Variants in MYOM3 observed in about 807,000 individuals in gnomAD.
The protein encoded by MYOM3 is myomesin 3.
In MYOM3, 155 loss-of-function variants were observed where a neutral mutation model predicts 191.7. The ratio of observed to expected loss-of-function variants is 0.81; its 90% CI spans 0.71 to 0.92. The LOEUF (loss-of-function observed/expected upper bound fraction) is 0.92, where lower values mean the gene tolerates loss of function less well. Ranked by LOEUF, MYOM3 falls within the 40% of genes least tolerant of loss-of-function variation. The probability of loss-of-function intolerance (pLI) is 0.00; values close to 1 mark genes in which losing one functional copy is unlikely to be tolerated. For synonymous variants in MYOM3, 757 were observed against 762.9 expected, an observed-to-expected ratio of 0.99 and a Z score of 0.13; for missense variants, 1,889 against 1,890.6, an observed-to-expected ratio of 1.00 and a Z score of 0.02.
Position 24,063,654 on chromosome 1 carries a change from C to A in MYOM3, c.3623-124G>T. 1 of 1,080,602 alleles carries A rather than the reference C, an allele frequency of 9.3e-7. No homozygotes were observed. The highest frequency in any genetic ancestry group is 1.4e-6 in the Non-Finnish European group (1 of 718,520). 66.9% of individuals were successfully genotyped at this position (1,080,602 alleles called of 1,614,324 possible). A position where few individuals can be genotyped will look rare whatever the true frequency, so the allele number is the denominator to read the frequency against. ...GCTGCTCTCAGGGGGACAGGCAACT[C>A]TGTAGGATGACTCTCATAGCTTGGG... On this transcript the variant is annotated intron_variant, in intron 30 of 36. Transcript: ENST00000374434. This position sits in a 1 kb window ranked among gnomAD's most constrained non-coding sequence, Gnocchi z 4.5.
chr1:24,060,968 G>T, intron 35 of MYOM3, 92 bp downstream of exon 35: 1 of 1,441,530 alleles, frequency 6.9e-7, no homozygotes, highest in Non-Finnish European at 9.7e-7. Context: ...ACTGTGGAAT[G>T]AGGCCTTCAG....
chr1:24,110,990 C>T (rs1055899556), intron 1 of MYOM3, among the ~76,000 whole-genome samples: 2 of 152,258 alleles, frequency 1.3e-5, no homozygotes, highest in African/African-American at 2.4e-5. Flanking sequence ...CCGATTAGCA[C>T]AGCAGGCAGG....
At chr1:24,101,879 G>C (rs558924964) in intron 5 of MYOM3, among the ~76,000 whole-genome samples, 2 of 152,194 alleles carry the variant, frequency 1.3e-5, no homozygotes, top group South Asian at 4.1e-4. Flanking sequence ...GTGTGAACAG[G>C]ACAGTGGGGT....
At chr1:24,071,077 C>G (rs1249066053) in intron 25 of MYOM3, 40 bp downstream of exon 25, 1 of 1,602,198 alleles carries the variant, frequency 6.2e-7, no homozygotes, top group East Asian at 2.2e-5. Context: ...ACCTCCCCGG[C>G]AGGGGAGCCT....
Position 24,105,923 on chromosome 1 carries a change from G to A in MYOM3, c.557C>T (p.Thr186Ile), listed in dbSNP as rs761492016. ...CCTTCCTGCCCCAGCGGCTTACCAG[G>A]TGACCTGGGGTGGTGGTGAGGCCTG... ...TVQASPPPQV[T>I]WYKNDTRIDP... The change falls in exon 5 of 37, where the codon ACC becomes ATC. Residue 186 changes from threonine to isoleucine, a missense_variant. Transcript: ENST00000374434. 3 of 1,600,538 alleles carry A rather than the reference G, an allele frequency of 1.9e-6. No homozygotes were observed. In the South Asian group the frequency reaches 3.4e-5, roughly 18 times the overall value.
intron 36 of MYOM3, among the ~76,000 whole-genome samples, chr1:24,058,030 C>T (rs916049173): frequency 3.9e-5 from 6 of 152,104 alleles, no homozygotes; most frequent in East Asian, 1.9e-4. Flanking sequence ...TGGTCTTAAA[C>T]TCCTGACCTC....
At chr1:24,094,749 C>T in intron 9 of MYOM3, 104 bp downstream of exon 9, 5 of 1,159,950 alleles carry the variant, frequency 4.3e-6, no homozygotes, top group Non-Finnish European at 6.1e-6. Context: ...ACAGTTGGTA[C>T]TGGTTGGGGA....
intron 5 of MYOM3, among the ~76,000 whole-genome samples, chr1:24,105,552 A>G (rs917842384): frequency 5.3e-5 from 8 of 152,228 alleles, no homozygotes; most frequent in African/African-American, 9.6e-5. Flanking sequence ...CTGGCTCCCC[A>G]GGGGCCCAGT....
In MYOM3 at chr1:24,086,769, G is replaced by A. The variant is rs773762477; in HGVS notation, c.1673C>T (p.Pro558Leu). 6.2e-6 allele frequency: 10 copies of A among 1,614,162 alleles called. No homozygotes were observed. The highest frequency in any genetic ancestry group is 4.4e-5 in the South Asian group (4 of 91,084). The change falls in exon 15 of 37, where the codon CCG becomes CTG. Residue 558 changes from proline to leucine, a missense_variant. Coordinates refer to ENST00000374434, the MANE Select transcript of MYOM3 (RefSeq NM_152372.4). ...CTCCAGGTCCAGAACGGCGAATCTC[G>A]GGGATCTCACAGGGCTTTCCGAGCT... Reference protein sequence around the residue: ...AISSESPVRSPRFAVLDLEKK... With the variant: ...AISSESPVRSLRFAVLDLEKK...
At chr1:24,099,920 C>T (rs572804020) in intron 5 of MYOM3, 145 bp from the exon 6 acceptor site, 111 of 630,884 alleles carry the variant, frequency 1.8e-4, no homozygotes, top group African/African-American at 1.7e-3. Context: ...CAGGCTGGAG[C>T]GCAGTAGTAC....
intron 2 of MYOM3, 83 bp from the exon 3 acceptor site, chr1:24,108,156 C>T: frequency 7.5e-7 from 1 of 1,327,240 alleles, no homozygotes; most frequent in Non-Finnish European, 1.1e-6. Context: ...CTGCCCACCT[C>T]AGCCTCAGGG....
rs778093351 is a variant in MYOM3, at chr1:24,092,295, C to CG, written c.1110dup (p.Gly371ArgfsTer28). ...ACGTTCAGTGGGGAGCCTGGGGCCC[C>CG]GGGGTTCTCGGCCTCGGCATCTGAA... On this transcript the variant is annotated frameshift_variant, in exon 11 of 37. Coordinates refer to ENST00000374434, the MANE Select transcript of MYOM3 (RefSeq NM_152372.4). LOFTEE classifies it high-confidence loss of function. 2.0e-5 allele frequency: 27 copies of CG among 1,357,444 alleles called. No homozygotes were observed. In the Admixed American group the frequency reaches 7.9e-4, roughly 40 times the overall value. 84.1% of individuals were successfully genotyped at this position (1,357,444 alleles called of 1,614,324 possible). A position where few individuals can be genotyped will look rare whatever the true frequency, so the allele number is the denominator to read the frequency against.
Position 24,076,197 on chromosome 1 carries a change from G to T in MYOM3, c.2663C>A (p.Ser888Tyr), listed in dbSNP as rs529609317. The change falls in exon 21 of 37, where the codon TCC (serine) becomes TAC (tyrosine). Residue 888 changes from serine to tyrosine, a missense_variant. Physicochemically the swap from Ser to Tyr is moderately radical, Grantham distance 144. Coordinates refer to ENST00000374434, the MANE Select transcript of MYOM3 (RefSeq NM_152372.4). Reference sequence around the variant, plus strand: ...CAGGAGCACGGGATCAGTGGGCATGGACGGTTGCCCCAGACCAGCTGAATT... The same window carrying T: ...CAGGAGCACGGGATCAGTGGGCATGTACGGTTGCCCCAGACCAGCTGAATT... ...AMNSAGLGQP[S>Y]MPTDPVLLED... 3.1e-6 allele frequency: 5 copies of T among 1,614,212 alleles called. No homozygotes were observed. The Admixed American group carries it at 6.7e-5, about 22-fold the overall frequency.
At chr1:24,071,060 C>T (rs1036660437) in intron 25 of MYOM3, 57 bp downstream of exon 25, 24 of 1,589,314 alleles carry the variant, frequency 1.5e-5, no homozygotes, top group Non-Finnish European at 2.0e-5. Flanking sequence ...CACCATCCCG[C>T]GAGGCCACCT....
chr1:24,096,595 T>C (rs1227269376), intron 7 of MYOM3, among the ~76,000 whole-genome samples: 1 of 151,976 alleles, frequency 6.6e-6, no homozygotes. Flanking sequence ...AACAGGACAG[T>C]GGGTGGAGAG....
intron 35 of MYOM3, 21 bp from the exon 36 acceptor site, chr1:24,059,000 C>G: frequency 6.3e-7 from 1 of 1,595,216 alleles, no homozygotes. Context: ...AATAAGAGAC[C>G]CCAGCGATGA....
Position 24,093,061 on chromosome 1 carries a change from G to C in MYOM3, c.976C>G (p.Arg326Gly). 1 of 1,612,860 alleles carries C rather than the reference G, an allele frequency of 6.2e-7. No individual in the cohort carries two copies. Reference sequence around the variant, plus strand: ...CAGGACACCTTCAGGGATGCCTGGCGGTCTGTGTAGAGGATCTTCCGACGT... The same window carrying C: ...CAGGACACCTTCAGGGATGCCTGGCCGTCTGTGTAGAGGATCTTCCGACGT... ...SRRRKILYTD[R>G]QASLKVSCTY... Residue 326 changes from arginine (R) to glycine (G), a missense_variant, in exon 10 of 37, where the codon CGC becomes GGC. Coordinates refer to ENST00000374434, the MANE Select transcript of MYOM3 (RefSeq NM_152372.4).
intron 25 of MYOM3, 85 bp from the exon 26 acceptor site, chr1:24,068,452 G>T: frequency 1.3e-6 from 2 of 1,531,080 alleles, no homozygotes; most frequent in Non-Finnish European, 1.8e-6. Context: ...GGGCTTGGGG[G>T]TGGTAAGCAC....
At chr1:24,089,432 G>T (rs1206642593) in intron 14 of MYOM3, 106 bp downstream of exon 14, 5 of 1,399,592 alleles carry the variant, frequency 3.6e-6, no homozygotes, top group Non-Finnish European at 4.7e-6. Context: ...CTGGCCAGGG[G>T]ATTCTCTTTC....
Sources: allele counts gnomAD v4.1 joint callset (sites outside exome capture counted in the v4.1 genomes callset), GRCh38; gene constraint gnomAD v4.1.1; non-coding constraint Gnocchi (gnomAD v3.1); transcripts MANE v1.5; gene names NCBI Gene and HGNC (gene_info 2026-07-23, HGNC 2026-07-21).